The following GRID2 variants were observed in gnomAD, a reference collection of about 807,000 sequenced individuals.
GRID2 encodes the protein glutamate ionotropic receptor delta type subunit 2, also known as glutamate receptor ionotropic, delta-2.
A neutral mutation model predicts 114.8 loss-of-function variants in GRID2; 33 were observed. The observed-to-expected ratio is 0.29, with a 90% CI of 0.22 to 0.38. GRID2 has a LOEUF of 0.38. Among genes scored for constraint, GRID2 ranks in the 10% least tolerant of loss-of-function variants. The probability of loss-of-function intolerance (pLI) is 1.00; values close to 1 mark genes in which losing one functional copy is unlikely to be tolerated. For missense variants in GRID2, 1,184 were observed against 1,257.7 expected (o/e 0.94, Z 0.89); for synonymous variants, 505 against 449.9 (o/e 1.12, Z -1.55).
chr4:93,803,580 G>A (rs1391288267), intron 1 of GRID2, among the ~76,000 whole-genome samples: 1 of 151,976 alleles, frequency 6.6e-6, no homozygotes, highest in African/African-American at 2.4e-5. Context: ...AAATTAGCCG[G>A]GCATGGTGGC....
At chr4:92,652,436 G>C (rs1043984221) in intron 2 of GRID2, among the ~76,000 whole-genome samples, 1 of 151,806 alleles carries the variant, frequency 6.6e-6, no homozygotes, top group African/African-American at 2.4e-5. Flanking sequence ...CCAGAACTTT[G>C]GGAGGATAAG....
At chr4:93,408,811 G>C (rs1335735238) in intron 9 of GRID2, among the ~76,000 whole-genome samples, 2 of 152,128 alleles carry the variant, frequency 1.3e-5, no homozygotes, top group African/African-American at 4.8e-5. Flanking sequence ...CCTTTCTGCT[G>C]TCTACTCTTA....
chr4:92,643,981 G>T (rs1001944602), intron 2 of GRID2, among the ~76,000 whole-genome samples: 5 of 151,444 alleles, frequency 3.3e-5, no homozygotes, highest in Non-Finnish European at 7.4e-5. Flanking sequence ...TTAACTCATT[G>T]TCTTATGAAT....
intron 1 of GRID2, among the ~76,000 whole-genome samples, chr4:92,512,485 ATTAT>A (rs763918314): frequency 1.6e-4 from 25 of 151,934 alleles, no homozygotes; most frequent in Non-Finnish European, 2.4e-4. Flanking sequence ...AAAGAGATGA[ATTAT>A]TTGTCACTAT....
chr4:93,024,837 A>T (rs956727779), intron 2 of GRID2, among the ~76,000 whole-genome samples: 2 of 151,766 alleles, frequency 1.3e-5, no homozygotes, highest in African/African-American at 4.8e-5. Flanking sequence ...TTAACATGGC[A>T]TTATTTCTTT....
chr4:93,744,267 T>C (rs576855199), intron 14 of GRID2, among the ~76,000 whole-genome samples: 1 of 152,326 alleles, frequency 6.6e-6, no homozygotes, highest in East Asian at 1.9e-4. Flanking sequence ...GACTTCCAAG[T>C]CTTATTATTT....
intron 2 of GRID2, among the ~76,000 whole-genome samples, chr4:92,964,322 T>A (rs888056954): frequency 1.3e-5 from 2 of 151,870 alleles, no homozygotes; most frequent in African/African-American, 4.8e-5. Context: ...TTATCTTCAC[T>A]AAAAATATGT....
At chr4:93,681,691 A>G (rs1032305128) in intron 14 of GRID2, among the ~76,000 whole-genome samples, 13 of 152,206 alleles carry the variant, frequency 8.5e-5, no homozygotes, top group African/African-American at 2.9e-4. Context: ...AGGATTCCCT[A>G]TTTAATAAGT....
intron 13 of GRID2, among the ~76,000 whole-genome samples, chr4:93,539,865 T>C (rs1732477190): frequency 1.3e-5 from 2 of 152,058 alleles, no homozygotes; most frequent in Admixed American, 6.6e-5. Context: ...TTCCTTGTGT[T>C]CTGAAATTTT....
chr4:93,128,048 AAAAAAAAAAAAC>A (rs1439512092), intron 4 of GRID2, among the ~76,000 whole-genome samples: 161 of 144,626 alleles, frequency 1.1e-3, no homozygotes, highest in Non-Finnish European at 2.1e-3. Flanking sequence ...AAAAAAAAAA[AAAAAAAAAAAAC>A]AACAGTACGT....
At chr4:92,740,996 C>A (rs1256431079) in intron 2 of GRID2, among the ~76,000 whole-genome samples, 2 of 152,052 alleles carry the variant, frequency 1.3e-5, no homozygotes, top group Admixed American at 1.3e-4. Context: ...TCAGGTGATC[C>A]ACCTCCCAAA....
In GRID2 at chr4:92,941,516, C is replaced by A. The variant is rs1352297451; in HGVS notation, c.245-143479C>A. ...CAATTTTGTTGATCTTTTCAAAAAA[C>A]CAGCTCCTGGATTCATTGATTTTTT... On this transcript the variant is annotated intron_variant, in intron 2 of 15. Transcript: ENST00000282020. Among the ~76,000 whole-genome samples, 7 of 152,112 alleles carry A rather than the reference C, an allele frequency of 4.6e-5. No homozygotes were observed. The South Asian group carries it at 1.4e-3, about 32-fold the overall frequency.
intron 8 of GRID2, among the ~76,000 whole-genome samples, chr4:93,249,959 C>A (rs1028015396): frequency 1.3e-5 from 2 of 152,006 alleles, no homozygotes; most frequent in East Asian, 1.9e-4. Flanking sequence ...GATATAGAAC[C>A]AGAAATACCA....
intron 2 of GRID2, among the ~76,000 whole-genome samples, chr4:92,744,953 G>A (rs1384754896): frequency 6.6e-6 from 1 of 152,078 alleles, no homozygotes; most frequent in Non-Finnish European, 1.5e-5. Flanking sequence ...CCATCTTTGG[G>A]GGTGAAATTT....
chr4:93,681,851 AT>A (rs1319033189), intron 14 of GRID2, among the ~76,000 whole-genome samples: 1 of 152,066 alleles, frequency 6.6e-6, no homozygotes, highest in Admixed American at 6.6e-5. Context: ...AGGCATTACC[AT>A]TCAGGACATA....
intron 4 of GRID2, among the ~76,000 whole-genome samples, chr4:93,151,631 G>T (rs1314616157): frequency 3.3e-5 from 5 of 152,056 alleles, no homozygotes; most frequent in Non-Finnish European, 7.4e-5. Flanking sequence ...GAATAATAGT[G>T]ATATAAACAT....
chr4:93,693,468 C>A (rs995922110), intron 14 of GRID2, among the ~76,000 whole-genome samples: 2 of 152,110 alleles, frequency 1.3e-5, no homozygotes, highest in Non-Finnish European at 2.9e-5. Flanking sequence ...AATTACCAAG[C>A]TGTTTTGTTT....
Position 93,216,722 on chromosome 4 carries a change from A to C in GRID2, c.790-16A>C. 6.4e-7 allele frequency: 1 copy of C among 1,559,874 alleles called. No homozygotes were observed. The highest frequency in any genetic ancestry group is 8.8e-7 in the Non-Finnish European group (1 of 1,133,936). On this transcript the variant is annotated splice_polypyrimidine_tract_variant and intron_variant, in intron 5 of 15. Transcript: ENST00000282020. ...GTATTAAAGTATCTCTAATTCTTCC[A>C]CCTCTTATCTTATAGGAAATAAACG...
In GRID2 at chr4:92,666,650, G is replaced by GTTTTTT. The variant is rs70942922; in HGVS notation, c.244+76379_244+76384dup. Among the ~76,000 whole-genome samples the GTTTTTT allele has an allele frequency of 5.7e-4, 39 of 68,594 alleles. 2 individuals carry two copies. Among genetic ancestry groups the GTTTTTT allele is most frequent in the African/African-American group, 1.2e-3 (23 of 19,082 alleles). 45.0% of individuals were successfully genotyped at this position (68,594 alleles called of 152,430 possible). On this transcript the variant is annotated intron_variant, in intron 2 of 15. Transcript: ENST00000282020. ...AGGCTGATGTGTAAACTTAAGGGTTGTTTTTTTTTTTTTTTTTTTTCAGAT... is the reference window on the plus strand; with the variant it reads ...AGGCTGATGTGTAAACTTAAGGGTTGTTTTTTTTTTTTTTTTTTTTTTTTTTCAGAT...
Sources: gnomAD v4.1 joint callset for allele counts (sites outside exome capture counted in the v4.1 genomes callset) on GRCh38, gnomAD v4.1.1 for gene constraint, MANE v1.5 for transcripts, NCBI Gene and HGNC (gene_info 2026-07-23, HGNC 2026-07-21) for gene names.